Variants in DEUP1 observed in about 807,000 individuals in gnomAD.
The protein encoded by DEUP1 is deuterosome assembly protein 1, also known as coiled-coil domain containing 67.
Under a neutral mutation model 87.4 loss-of-function variants are expected in DEUP1, and 82 were observed. The ratio of observed to expected loss-of-function variants is 0.94; its 90% CI spans 0.78 to 1.13. The LOEUF is 1.13. Ranked by LOEUF, DEUP1 falls within the 50% of genes most tolerant of loss-of-function variation. The pLI is 0.00. For missense variants in DEUP1, 663 were observed against 681.5 expected (o/e 0.97, Z 0.30); for synonymous variants, 214 against 222.7 (o/e 0.96, Z 0.35).
chr11:93,413,164 C>T (rs866056803), intron 12 of DEUP1, among the ~76,000 whole-genome samples: 1 of 151,684 alleles, frequency 6.6e-6, no homozygotes, highest in Non-Finnish European at 1.5e-5. Context: ...CTAATCAATA[C>T]CTGTGGAGAA....
At chr11:93,395,429 C>T (rs1356365513) in intron 10 of DEUP1, among the ~76,000 whole-genome samples, 3 of 152,082 alleles carry the variant, frequency 2.0e-5, no homozygotes, top group Non-Finnish European at 4.4e-5. Context: ...AAAGATTTAG[C>T]CTTTGCCCAG....
At chr11:93,403,756 T>G (rs760727515) in intron 11 of DEUP1, among the ~76,000 whole-genome samples, 4 of 151,692 alleles carry the variant, frequency 2.6e-5, no homozygotes, top group Non-Finnish European at 4.4e-5. Context: ...TTTATTGAAA[T>G]GAAGAAAACT....
chr11:93,360,091 C>T (rs749934192), intron 4 of DEUP1, among the ~76,000 whole-genome samples: 1 of 152,124 alleles, frequency 6.6e-6, no homozygotes, highest in Admixed American at 6.5e-5. Flanking sequence ...CACCCACCCC[C>T]ACTATAGTAT....
chr11:93,415,265 C>A, intron 13 of DEUP1, 151 bp downstream of exon 13: 1 of 432,304 alleles, frequency 2.3e-6, no homozygotes, highest in Non-Finnish European at 4.2e-6. Flanking sequence ...AGCCATTTGG[C>A]CATACCTATC....
Position 93,437,747 on chromosome 11 carries a change from C to CCCA in DEUP1, c.*30_*31insACC, listed in dbSNP as rs1565360233. 1 of 1,052,652 alleles carries CCCA rather than the reference C, an allele frequency of 9.5e-7. No homozygotes were observed. Among genetic ancestry groups the CCCA allele is most frequent in the South Asian group, 1.5e-5 (1 of 67,258 alleles). The allele number at this position is 1,052,652 out of a possible 1,614,324, so 65.2% of individuals were successfully genotyped here. On this transcript the variant is annotated 3_prime_UTR_variant, in exon 14 of 14. Transcript: ENST00000298050. ...TTTTAAACTTTTTTATTTGCTTCCC[C>CCCA]CCCCCACCCCCGCCAAGAAAAAAAG...
intron 7 of DEUP1, among the ~76,000 whole-genome samples, chr11:93,378,247 C>T (rs577649153): frequency 6.6e-6 from 1 of 152,136 alleles, no homozygotes; most frequent in Non-Finnish European, 1.5e-5. Context: ...ACCAATTATT[C>T]TCAGGTTTGG....
intron 13 of DEUP1, among the ~76,000 whole-genome samples, chr11:93,436,086 T>G (rs1948241918): frequency 6.6e-6 from 1 of 152,066 alleles, no homozygotes; most frequent in East Asian, 1.9e-4. Flanking sequence ...ATTTTCAAGG[T>G]GCATTAATTT....
chr11:93,355,485 T>A lies in DEUP1; in HGVS notation c.144T>A (p.Asp48Glu). Residue 48 changes from aspartate (D) to glutamate (E), a missense_variant, in exon 3 of 14, where the codon GAT becomes GAA. Transcript: ENST00000298050. ...RKMRALETRLDLRDQELANAQ... is the reference protein window; with the variant it reads ...RKMRALETRLELRDQELANAQ... ...TGCGGGCTTTGGAGACACGATTAGA[T>A]CTTCGGGATCAAGAATTGGCAAATG... 1 of 1,613,848 alleles carries A rather than the reference T, an allele frequency of 6.2e-7. No homozygotes were observed. The highest frequency in any genetic ancestry group is 8.5e-7 in the Non-Finnish European group (1 of 1,179,816).
chr11:93,379,897 G>C (rs1019556730), intron 7 of DEUP1, among the ~76,000 whole-genome samples: 8 of 152,160 alleles, frequency 5.3e-5, no homozygotes, highest in Non-Finnish European at 1.2e-4. Flanking sequence ...TTAAAATCCA[G>C]CTACTCATAG....
chr11:93,370,111 G>A lies in DEUP1; in HGVS notation c.471G>A (p.Glu157=). The A allele has an allele frequency of 1.2e-6, 2 of 1,607,600 alleles. No individual in the cohort carries two copies. Among genetic ancestry groups the A allele is most frequent in the South Asian group, 1.1e-5 (1 of 89,696 alleles). The change falls in exon 6 of 14, where the codon GAG becomes GAA. Residue 157 remains glutamate (E), a synonymous_variant. Transcript: ENST00000298050. ...RAKSREWDKQ[E]ILYQTHLISL... ...AGTCAAGAGAATGGGACAAGCAAGA[G>A]ATATTATATCAGACTCATCTGATTT...
chr11:93,408,319 C>A lies in DEUP1; in HGVS notation c.1415C>A (p.Ala472Glu), dbSNP rs754065666. ...AATGAAAGGCTCCGAAATGATCTTG[C>A]AAAACTTCATGTCAATGGAAAATCA... ...YENERLRNDL[A>E]KLHVNGKSTW... Residue 472 changes from alanine to glutamate, a missense_variant, in exon 12 of 14, where the codon GCA becomes GAA. Physicochemically the swap from Ala to Glu is moderately radical, Grantham distance 107 (BLOSUM62 -1). Coordinates refer to ENST00000298050, the MANE Select transcript of DEUP1 (RefSeq NM_181645.4). The A allele has an allele frequency of 1.3e-6, 2 of 1,578,786 alleles. No homozygotes were observed. Among genetic ancestry groups the A allele is most frequent in the South Asian group, 1.2e-5 (1 of 85,960 alleles).
chr11:93,434,032 G>C (rs1263397054), intron 13 of DEUP1, among the ~76,000 whole-genome samples: 1 of 152,164 alleles, frequency 6.6e-6, no homozygotes, highest in Non-Finnish European at 1.5e-5. Flanking sequence ...GCTGTGAGCT[G>C]TTAGTAGCCA....
intron 11 of DEUP1, among the ~76,000 whole-genome samples, chr11:93,402,682 T>TA (rs1281329424): frequency 4.0e-5 from 6 of 151,410 alleles, no homozygotes; most frequent in Non-Finnish European, 7.4e-5. Flanking sequence ...CCAGAAAAAA[T>TA]AAAAAATAAA....
intron 6 of DEUP1, 29 bp downstream of exon 6, chr11:93,370,215 CA>C: frequency 8.7e-7 from 1 of 1,149,252 alleles, no homozygotes; most frequent in Non-Finnish European, 1.3e-6. Flanking sequence ...TTCTCTAAAT[CA>C]AAAGCAGAAG....
chr11:93,385,286 A>C, intron 7 of DEUP1, 112 bp from the exon 8 acceptor site: 2 of 950,408 alleles, frequency 2.1e-6, no homozygotes, highest in Non-Finnish European at 3.2e-6. Flanking sequence ...CAAAGGACTA[A>C]ATATCAGTTT....
At chr11:93,406,536 GA>G (rs759225397) in intron 11 of DEUP1, among the ~76,000 whole-genome samples, 20 of 151,600 alleles carry the variant, frequency 1.3e-4, no homozygotes, top group East Asian at 5.8e-4. Context: ...AAATACAAGT[GA>G]ATATTAGCTT....
chr11:93,340,922 C>G (rs77958229), intron 2 of DEUP1, among the ~76,000 whole-genome samples: 1,647 of 152,272 alleles, frequency 0.011, 33 homozygotes, highest in African/African-American at 0.038. Context: ...TGTATGTACA[C>G]CTGTATATAG....
At position 93,381,305 on chromosome 11, in the gene DEUP1, C is replaced by G. The variant is rs577609984; in HGVS notation, c.790-4093C>G. Among the ~76,000 whole-genome samples the G allele has an allele frequency of 3.9e-5, 6 of 152,226 alleles. No homozygotes were observed. In the South Asian group the frequency reaches 1.0e-3, roughly 26 times the overall value. On this transcript the variant is annotated intron_variant, in intron 7 of 13. Coordinates refer to ENST00000298050, the MANE Select transcript of DEUP1 (RefSeq NM_181645.4). ...AATTAGAGGTAACTGATACTATAAC[C>G]AATATATGTATTTGGAAAGAAGTTT...
intron 2 of DEUP1, among the ~76,000 whole-genome samples, chr11:93,343,792 T>C (rs1042074827): frequency 1.3e-5 from 2 of 152,220 alleles, no homozygotes; most frequent in African/African-American, 4.8e-5. Flanking sequence ...TATGTCCTTG[T>C]TATTATGATG....
Sources: gnomAD v4.1 joint callset for allele counts (sites outside exome capture counted in the v4.1 genomes callset) on GRCh38, gnomAD v4.1.1 for gene constraint, MANE v1.5 for transcripts, NCBI Gene and HGNC (gene_info 2026-07-23, HGNC 2026-07-21) for gene names.